The following PLXNA2 variants were observed in gnomAD, a reference collection of about 807,000 sequenced individuals.
PLXNA2 encodes plexin A2.
A neutral mutation model predicts 193.5 loss-of-function variants in PLXNA2; 91 were observed. The ratio of observed to expected loss-of-function variants is 0.47; its 90% CI spans 0.40 to 0.56. The LOEUF (loss-of-function observed/expected upper bound fraction) is 0.56, where lower values mean the gene tolerates loss of function less well. PLXNA2 is among the 20% of genes least tolerant of loss of function. The pLI, the probability that PLXNA2 is intolerant of heterozygous loss-of-function variation, is 0.00. For synonymous variants in PLXNA2, 997 were observed against 1,027.3 expected, an observed-to-expected ratio of 0.97 and a Z score of 0.56; for missense variants, 1,995 against 2,503.2, an observed-to-expected ratio of 0.80 and a Z score of 4.33.
intron 4 of PLXNA2, among the ~76,000 whole-genome samples, chr1:208,133,159 C>A (rs1003054846): frequency 1.8e-4 from 27 of 152,156 alleles, no homozygotes; most frequent in African/African-American, 5.8e-4. Flanking sequence ...GAGGGTGAGT[C>A]CCCCGAGTGA....
At chr1:208,095,010 C>T (rs543253704) in intron 8 of PLXNA2, among the ~76,000 whole-genome samples, 1 of 152,304 alleles carries the variant, frequency 6.6e-6, no homozygotes, top group East Asian at 1.9e-4. Flanking sequence ...CCCTGAAGAC[C>T]TGACTATGAT....
At chr1:208,204,532 C>G (rs977109181) in intron 3 of PLXNA2, among the ~76,000 whole-genome samples, 1 of 152,238 alleles carries the variant, frequency 6.6e-6, no homozygotes, top group Non-Finnish European at 1.5e-5. Flanking sequence ...CCCTCCTCCT[C>G]CCCTCACTGA....
chr1:208,173,233 G>A (rs1227492458), intron 3 of PLXNA2, among the ~76,000 whole-genome samples: 1 of 152,202 alleles, frequency 6.6e-6, no homozygotes, highest in Non-Finnish European at 1.5e-5. Context: ...AAAACATTAT[G>A]TGTGTTTACT....
chr1:208,042,769 CT>C lies in PLXNA2; in HGVS notation c.4017+291del, dbSNP rs1275616826. On this transcript the variant is annotated intron_variant, in intron 21 of 31. Transcript: ENST00000367033. ...AAACCTCATAGAATCCTGTGTCTTTCTTTAAGCCATCTTAAATCCATTTTAG... is the reference window on the plus strand; with the variant it reads ...AAACCTCATAGAATCCTGTGTCTTTCTTAAGCCATCTTAAATCCATTTTAG... 5.9e-5 allele frequency among the ~76,000 whole-genome samples: 9 copies of C among 152,350 alleles called. No individual in the cohort carries two copies. In the East Asian group the frequency reaches 1.5e-3, roughly 26 times the overall value.
At chr1:208,225,524 G>T (rs1671481752) in intron 1 of PLXNA2, among the ~76,000 whole-genome samples, 1 of 152,120 alleles carries the variant, frequency 6.6e-6, no homozygotes, top group Admixed American at 6.5e-5. Flanking sequence ...TGCTAGCCAG[G>T]CTGGTCTTGA....
chr1:208,240,849 T>A (rs892556192), intron 1 of PLXNA2, among the ~76,000 whole-genome samples: 11 of 151,846 alleles, frequency 7.2e-5, no homozygotes, highest in Admixed American at 5.2e-4. Context: ...AGTTCGTGTG[T>A]GTGGAGACAG....
chr1:208,220,775 C>A (rs919544974), intron 1 of PLXNA2, among the ~76,000 whole-genome samples: 1 of 152,106 alleles, frequency 6.6e-6, no homozygotes, highest in South Asian at 2.1e-4. Context: ...CAGGAGATGG[C>A]ACTTCTGAAA....
At chr1:208,167,481 G>A (rs1016551524) in intron 3 of PLXNA2, among the ~76,000 whole-genome samples, 7 of 152,300 alleles carry the variant, frequency 4.6e-5, no homozygotes, top group Admixed American at 1.3e-4. Flanking sequence ...ATTTACTTGC[G>A]TTAATGAGAA....
chr1:208,055,682 G>A (rs558204205), intron 13 of PLXNA2, among the ~76,000 whole-genome samples: 49 of 152,194 alleles, frequency 3.2e-4, no homozygotes, highest in African/African-American at 8.2e-4. Flanking sequence ...GTGTTTAACC[G>A]AGCGATGCTT....
At chr1:208,109,548 T>A (rs555186980) in intron 4 of PLXNA2, among the ~76,000 whole-genome samples, 1 of 152,162 alleles carries the variant, frequency 6.6e-6, no homozygotes, top group African/African-American at 2.4e-5. Flanking sequence ...CATTATCTCA[T>A]TTGATCTGCA....
intron 3 of PLXNA2, among the ~76,000 whole-genome samples, chr1:208,170,633 A>G (rs921035811): frequency 1.8e-4 from 27 of 152,226 alleles, no homozygotes; most frequent in African/African-American, 2.7e-4. Context: ...TCAAAGCCCA[A>G]TAGGTTTCAT....
intron 4 of PLXNA2, among the ~76,000 whole-genome samples, chr1:208,113,546 C>CT (rs397695261): frequency 0.72 from 75,933 of 105,566 alleles, 28,791 homozygotes; most frequent in East Asian, 0.84. Flanking sequence ...CTCTCTCTCT[C>CT]TTTTTTTTTT....
rs142274975 is a variant in PLXNA2 at position 208,227,738 on chromosome 1, C to T, written c.-80-9736G>A. 3.6e-4 allele frequency among the ~76,000 whole-genome samples: 55 copies of T among 152,200 alleles called. No homozygotes were observed. In the East Asian group the frequency reaches 5.4e-3, roughly 15 times the overall value. On this transcript the variant is annotated intron_variant, in intron 1 of 31. Transcript: ENST00000367033. ...GCAGGAGCTTTGCTAGCTTGGCAGC[C>T]GCCTTTCAGAGCAATTCCAAATGAT...
chr1:208,216,858 C>A lies in PLXNA2; in HGVS notation c.1065G>T (p.Leu355=). 2 of 1,614,212 alleles carry A rather than the reference C, an allele frequency of 1.2e-6. No homozygotes were observed. The highest frequency in any genetic ancestry group is 1.7e-6 in the Non-Finnish European group (2 of 1,180,028). The change falls in exon 2 of 32, where the codon CTG becomes CTT. Residue 355 remains leucine, a synonymous_variant. Transcript: ENST00000367033. ...QYHHPPDDSA[L]CAFPIRAINL... ...TGATGGCCCGGATAGGGAAGGCACACAGGGCAGAGTCATCGGGCGGGTGGT... is the reference window on the plus strand; with the variant it reads ...TGATGGCCCGGATAGGGAAGGCACAAAGGGCAGAGTCATCGGGCGGGTGGT...
At chr1:208,229,457 C>G (rs962050077) in intron 1 of PLXNA2, among the ~76,000 whole-genome samples, 1 of 152,164 alleles carries the variant, frequency 6.6e-6, no homozygotes, top group African/African-American at 2.4e-5. Context: ...CCCAGGTGTG[C>G]TCATTTGCTT....
At chr1:208,084,888 T>C (rs751028788) in intron 9 of PLXNA2, among the ~76,000 whole-genome samples, 5 of 152,304 alleles carry the variant, frequency 3.3e-5, no homozygotes, top group Non-Finnish European at 7.4e-5. Context: ...CCTCCACGTG[T>C]CCCTGTCCCC....
intron 17 of PLXNA2, among the ~76,000 whole-genome samples, chr1:208,047,197 G>A (rs1665101960): frequency 6.9e-6 from 1 of 144,420 alleles, no homozygotes; most frequent in African/African-American, 2.5e-5. Flanking sequence ...CTAACCTCAG[G>A]TGATCCGCCC....
At position 208,046,110 on chromosome 1, in the gene PLXNA2, T is replaced by G. The variant is rs148175324; in HGVS notation, c.3263A>C (p.Lys1088Thr). ...FNGKESVNVCKVVNTTTLTCL... is the reference protein window; with the variant it reads ...FNGKESVNVCTVVNTTTLTCL... ...GGTGAGGGTGGTTGTGTTCACAACT[T>G]TACACACCTAAGAGATCCAGAGCGC... The change falls in exon 18 of 32, where the codon AAA becomes ACA. Residue 1088 changes from lysine (K) to threonine (T), a missense_variant. Physicochemically the swap from Lys to Thr is moderately conservative, Grantham distance 78 (BLOSUM62 -1). Around this residue, in one of 3 missense-constraint regions of PLXNA2, gnomAD observed 1,291 missense variants for 1,673.6 expected, o/e 0.77. Transcript: ENST00000367033. 5.0e-6 allele frequency: 8 copies of G among 1,613,786 alleles called. No homozygotes were observed. The African/African-American group carries it at 9.3e-5, about 19-fold the overall frequency.
At chr1:208,113,145 A>G (rs913306988) in intron 4 of PLXNA2, among the ~76,000 whole-genome samples, 11 of 152,196 alleles carry the variant, frequency 7.2e-5, no homozygotes, top group Admixed American at 4.6e-4. Context: ...AGAAATAACT[A>G]AAACAGACCT....
Sources: gnomAD v4.1 joint callset for allele counts (sites outside exome capture counted in the v4.1 genomes callset) on GRCh38, gnomAD v4.1.1 for gene constraint, gnomAD v4.1.1 regional missense constraint, MANE v1.5 for transcripts, NCBI Gene and HGNC (gene_info 2026-07-23, HGNC 2026-07-21) for gene names.